SLC2A13: variants seen among roughly 807,000 people sequenced by gnomAD.
SLC2A13 encodes proton myo-inositol cotransporter.
A neutral mutation model predicts 64.4 loss-of-function variants in SLC2A13; 32 were observed. The observed-to-expected ratio is 0.50, with a 90% CI of 0.37 to 0.67. The LOEUF (loss-of-function observed/expected upper bound fraction) is 0.67. SLC2A13 is among the 30% of genes least tolerant of loss of function. SLC2A13 has a pLI of 0.00. For synonymous variants in SLC2A13, 338 were observed against 327.1 expected (o/e 1.03, Z -0.36); for missense variants, 743 against 829.2 (o/e 0.90, Z 1.28).
chr12:39,877,133 A>G (rs1298410283), intron 4 of SLC2A13, among the ~76,000 whole-genome samples: 3 of 152,172 alleles, frequency 2.0e-5, no homozygotes, highest in Non-Finnish European at 4.4e-5. Flanking sequence ...TTGTATACTC[A>G]AAAACAAGGA....
intron 3 of SLC2A13, among the ~76,000 whole-genome samples, chr12:40,014,773 G>A (rs533803702): frequency 2.6e-5 from 4 of 152,306 alleles, no homozygotes; most frequent in Admixed American, 6.5e-5. Flanking sequence ...GATTACAGGC[G>A]TGAGCCACCA....
At chr12:39,953,554 A>G (rs1946269138) in intron 3 of SLC2A13, among the ~76,000 whole-genome samples, 1 of 152,216 alleles carries the variant, frequency 6.6e-6, no homozygotes, top group East Asian at 1.9e-4. Flanking sequence ...CTGAATGTTC[A>G]TAAGTGAACA....
chr12:39,805,549 G>A (rs1357435153), intron 7 of SLC2A13, among the ~76,000 whole-genome samples: 1 of 151,804 alleles, frequency 6.6e-6, no homozygotes, highest in Non-Finnish European at 1.5e-5. Flanking sequence ...TATTCCCATA[G>A]GCCTGAAACA....
At chr12:39,998,832 AATG>A (rs2035826257) in intron 3 of SLC2A13, among the ~76,000 whole-genome samples, 1 of 152,274 alleles carries the variant, frequency 6.6e-6, no homozygotes, top group African/African-American at 2.4e-5. Flanking sequence ...CCAGGGGCAG[AATG>A]ATATGGCTTG....
intron 3 of SLC2A13, among the ~76,000 whole-genome samples, chr12:39,966,841 G>T (rs961031688): frequency 6.6e-6 from 1 of 152,072 alleles, no homozygotes; most frequent in Admixed American, 6.6e-5. Context: ...TTGGCATTTT[G>T]CTTTTAACTT....
At chr12:39,801,125 T>C (rs1195283142) in intron 7 of SLC2A13, among the ~76,000 whole-genome samples, 167 of 78,422 alleles carry the variant, frequency 2.1e-3, no homozygotes, top group African/African-American at 6.2e-3. Context: ...AGGGATAGCA[T>C]TGGGAGATAT....
intron 4 of SLC2A13, 26 bp from the exon 5 acceptor site, chr12:39,871,987 G>A: frequency 6.6e-7 from 1 of 1,507,958 alleles, no homozygotes; most frequent in Non-Finnish European, 8.9e-7. Flanking sequence ...TAAAACAATT[G>A]CTATTGATAG....
chr12:39,970,687 C>T (rs1203612834), intron 3 of SLC2A13, among the ~76,000 whole-genome samples: 1 of 152,198 alleles, frequency 6.6e-6, no homozygotes, highest in Admixed American at 6.5e-5. Flanking sequence ...CATACACATG[C>T]ACACACAATT....
chr12:39,988,077 A>C (rs1004905167), intron 3 of SLC2A13, among the ~76,000 whole-genome samples: 15 of 152,132 alleles, frequency 9.9e-5, no homozygotes, highest in African/African-American at 3.4e-4. Context: ...TACAAACAAT[A>C]TTGCAAGGAA....
intron 3 of SLC2A13, among the ~76,000 whole-genome samples, chr12:39,985,250 T>A (rs1947008169): frequency 6.6e-6 from 1 of 152,148 alleles, no homozygotes; most frequent in Non-Finnish European, 1.5e-5. Context: ...TGTTGGTTTC[T>A]TGGTGTTAGT....
At chr12:39,909,055 G>T (rs181952903) in intron 4 of SLC2A13, among the ~76,000 whole-genome samples, 97 of 152,006 alleles carry the variant, frequency 6.4e-4, no homozygotes, top group African/African-American at 2.3e-3. Flanking sequence ...GGCAAGTTGT[G>T]CTCACAAGGA....
intron 5 of SLC2A13, among the ~76,000 whole-genome samples, chr12:39,865,145 G>C (rs1943874799): frequency 6.6e-6 from 1 of 152,150 alleles, no homozygotes; most frequent in East Asian, 1.9e-4. Context: ...ACAGTAAATT[G>C]GTAATGATTT....
intron 1 of SLC2A13, among the ~76,000 whole-genome samples, chr12:40,081,091 T>A (rs1406841406): frequency 1.3e-5 from 2 of 152,218 alleles, no homozygotes; most frequent in African/African-American, 4.8e-5. Context: ...AATGAGATTC[T>A]CTTTGTATAT....
At chr12:39,952,667 A>G (rs1946250694) in intron 3 of SLC2A13, among the ~76,000 whole-genome samples, 1 of 152,206 alleles carries the variant, frequency 6.6e-6, no homozygotes, top group South Asian at 2.1e-4. Context: ...AATTTAGAGA[A>G]GCGTTGATGG....
chr12:40,035,317 G>A (rs1352415314), intron 2 of SLC2A13, among the ~76,000 whole-genome samples: 2 of 152,154 alleles, frequency 1.3e-5, no homozygotes, highest in Non-Finnish European at 2.9e-5. Flanking sequence ...AGTTTTAGAT[G>A]CAAACAGATA....
chr12:39,845,273 C>T (rs1241384948), intron 6 of SLC2A13, among the ~76,000 whole-genome samples: 1 of 151,824 alleles, frequency 6.6e-6, no homozygotes, highest in Admixed American at 6.6e-5. Context: ...CTTTTTGGGA[C>T]CCATTTGTGC....
chr12:40,069,873 T>C (rs570937598), intron 1 of SLC2A13, among the ~76,000 whole-genome samples: 1 of 152,256 alleles, frequency 6.6e-6, no homozygotes, highest in South Asian at 2.1e-4. Flanking sequence ...CCCCTAACTT[T>C]TTGCTGCTCA....
chr12:39,770,574 C>T lies in SLC2A13; in HGVS notation c.1446-5716G>A, dbSNP rs527810934. Among the ~76,000 whole-genome samples, 11 of 152,214 alleles carry T rather than the reference C, an allele frequency of 7.2e-5. No homozygotes were observed. In the East Asian group the frequency reaches 7.7e-4, roughly 11 times the overall value. The stretch of plus-strand genomic sequence containing the variant: ...GGTCCTGTTTCCTGATCTGTGAGAT[C>T]GGGGAAAGAACTGTATCATGGGCTG... On this transcript the variant is annotated intron_variant, in intron 7 of 9. Transcript: ENST00000280871.
At chr12:39,844,558 A>G (rs1479415751) in intron 6 of SLC2A13, among the ~76,000 whole-genome samples, 1 of 152,110 alleles carries the variant, frequency 6.6e-6, no homozygotes, top group African/African-American at 2.4e-5. Flanking sequence ...CATTCATAAC[A>G]TATAAAATAT....
Sources: gnomAD v4.1 joint callset for allele counts (sites outside exome capture counted in the v4.1 genomes callset) on GRCh38, gnomAD v4.1.1 for gene constraint, MANE v1.5 for transcripts, NCBI Gene and HGNC (gene_info 2026-07-23, HGNC 2026-07-21) for gene names.